The following WDPCP variants were observed in gnomAD, a reference collection of about 807,000 sequenced individuals.
WDPCP encodes WD repeat-containing and planar cell polarity effector protein fritz homolog.
A neutral mutation model predicts 93.1 loss-of-function variants in WDPCP; 71 were observed. The observed-to-expected ratio is 0.76, with a 90% CI of 0.63 to 0.93. The LOEUF is 0.93. Among genes scored for constraint, WDPCP ranks in the 40% least tolerant of loss-of-function variants. The probability of loss-of-function intolerance (pLI) is 0.00; values close to 1 mark genes in which losing one functional copy is unlikely to be tolerated. For missense variants in WDPCP, 844 were observed against 887.4 expected, an observed-to-expected ratio of 0.95 and a Z score of 0.62; for synonymous variants, 315 against 315.0, an observed-to-expected ratio of 1.00 and a Z score of 0.00.
chr2:63,372,626 T>C lies in WDPCP; in HGVS notation c.1748+5760A>G, dbSNP rs149737531. ...AGTATTGTTCAAATCTCCTATTTCC[T>C]GACACTTTGTTTGCTTAATCTATCA... On this transcript the variant is annotated intron_variant, in intron 12 of 17. Transcript: ENST00000272321. 5.1e-4 allele frequency among the ~76,000 whole-genome samples: 77 copies of C among 152,330 alleles called. No individual in the cohort carries two copies. The East Asian group carries it at 0.015, about 29-fold the overall frequency.
intron 3 of WDPCP, among the ~76,000 whole-genome samples, chr2:63,595,814 TAC>T (rs1037239612): frequency 5.9e-5 from 9 of 152,062 alleles, no homozygotes; most frequent in Non-Finnish European, 8.8e-5. Context: ...TGAAATTGTC[TAC>T]ACACACACAC....
At chr2:63,158,187 T>G (rs1346051105) in intron 15 of WDPCP, among the ~76,000 whole-genome samples, 1 of 152,212 alleles carries the variant, frequency 6.6e-6, no homozygotes, top group East Asian at 1.9e-4. Context: ...GGACATACTT[T>G]GTATATTCTT....
intron 2 of WDPCP, among the ~76,000 whole-genome samples, chr2:63,713,582 T>A (rs776674569): frequency 1.5e-4 from 23 of 152,164 alleles, no homozygotes; most frequent in Admixed American, 1.4e-3. Context: ...CATAACAGAG[T>A]AGCAGTTTCT....
chr2:63,447,115 G>T (rs1377940270), intron 6 of WDPCP, among the ~76,000 whole-genome samples: 1 of 151,396 alleles, frequency 6.6e-6, no homozygotes, highest in Non-Finnish European at 1.5e-5. Flanking sequence ...AAGGTGGGGG[G>T]AGGCATTTTT....
At chr2:63,321,356 A>T (rs566153606) in intron 12 of WDPCP, among the ~76,000 whole-genome samples, 1 of 151,048 alleles carries the variant, frequency 6.6e-6, no homozygotes, top group Admixed American at 6.6e-5. Flanking sequence ...TTTGATATGT[A>T]CTTTGTGTGT....
chr2:63,237,716 A>C (rs945853835), intron 14 of WDPCP, among the ~76,000 whole-genome samples: 2 of 152,184 alleles, frequency 1.3e-5, no homozygotes, highest in African/African-American at 4.8e-5. Flanking sequence ...TAAGTGAAAT[A>C]ATGCAGAAAC....
At chr2:63,572,089 A>C (rs1332038777) in intron 1 of WDPCP, among the ~76,000 whole-genome samples, 1 of 152,196 alleles carries the variant, frequency 6.6e-6, no homozygotes, top group Non-Finnish European at 1.5e-5. Context: ...CTCCAGAGGA[A>C]ACCAAAGGAG....
intron 2 of WDPCP, among the ~76,000 whole-genome samples, chr2:63,730,344 C>T (rs1575759922): frequency 1.3e-5 from 2 of 152,104 alleles, no homozygotes; most frequent in African/African-American, 2.4e-5. Context: ...TTTCTCCCTT[C>T]GGTTTCTGGA....
Position 63,617,286 on chromosome 2 carries a change from T to A in WDPCP, n.488+33373A>T, listed in dbSNP as rs541545886. Reference sequence around the variant, plus strand: ...TTCAAAATTATCTTGAACTTAGAGATGGGTTGAAAATAAGATTAAAATGAT... The same window carrying A: ...TTCAAAATTATCTTGAACTTAGAGAAGGGTTGAAAATAAGATTAAAATGAT... On this transcript the variant is annotated intron_variant and non_coding_transcript_variant, in intron 3 of 4. Coordinates refer to the WDPCP transcript ENST00000467687. Among the ~76,000 whole-genome samples, 43 of 152,318 alleles carry A rather than the reference T, an allele frequency of 2.8e-4. No homozygotes were observed. In the South Asian group the frequency reaches 8.9e-3, roughly 32 times the overall value.
intron 17 of WDPCP, among the ~76,000 whole-genome samples, chr2:63,148,842 T>C (rs746687822): frequency 4.1e-4 from 55 of 132,850 alleles, no homozygotes; most frequent in Non-Finnish European, 5.9e-4. Flanking sequence ...ACTAATAGGG[T>C]TAAAAGGACA....
intron 13 of WDPCP, among the ~76,000 whole-genome samples, chr2:63,277,150 TAC>T (rs538678435): frequency 6.2e-4 from 94 of 152,220 alleles, no homozygotes; most frequent in Non-Finnish European, 1.2e-3. Flanking sequence ...GAAGAAAAGA[TAC>T]AGTCTTTTCC....
intron 2 of WDPCP, among the ~76,000 whole-genome samples, chr2:63,695,228 T>C (rs1409616619): frequency 5.9e-5 from 9 of 152,230 alleles, no homozygotes; most frequent in Admixed American, 5.2e-4. Context: ...TATTTTCTCA[T>C]TTCTTTGTCT....
At chr2:63,238,374 G>C (rs143105172) in intron 14 of WDPCP, among the ~76,000 whole-genome samples, 12 of 151,964 alleles carry the variant, frequency 7.9e-5, no homozygotes, top group African/African-American at 2.9e-4. Context: ...TGTGACTGGG[G>C]AACTACATTT....
intron 3 of WDPCP, among the ~76,000 whole-genome samples, chr2:63,616,604 T>C (rs574812771): frequency 2.6e-4 from 39 of 152,232 alleles, no homozygotes; most frequent in Non-Finnish European, 5.3e-4. Context: ...GCTTTAGTAT[T>C]GCCAATAATG....
intron 2 of WDPCP, among the ~76,000 whole-genome samples, chr2:63,693,816 A>ATATTAGAGTTGAAAATAC (rs1558885946): frequency 2.0e-5 from 3 of 152,212 alleles, no homozygotes; most frequent in African/African-American, 7.2e-5. Flanking sequence ...TTGCTGTAGA[A>ATATTAGAGTTGAAAATAC]TATTAGAGTT....
At chr2:63,160,779 T>TA (rs1273991666) in intron 15 of WDPCP, among the ~76,000 whole-genome samples, 3 of 152,284 alleles carry the variant, frequency 2.0e-5, no homozygotes, top group African/African-American at 7.2e-5. Context: ...ATCAGTGATT[T>TA]AAAAAACATC....
At chr2:63,704,724 A>G (rs1669120601) in intron 2 of WDPCP, among the ~76,000 whole-genome samples, 1 of 152,184 alleles carries the variant, frequency 6.6e-6, no homozygotes, top group African/African-American at 2.4e-5. Flanking sequence ...GGATTTTTGC[A>G]TCGATGTTCA....
At chr2:63,776,302 G>C (rs1254607538) in intron 2 of WDPCP, among the ~76,000 whole-genome samples, 1 of 151,616 alleles carries the variant, frequency 6.6e-6, no homozygotes, top group African/African-American at 2.4e-5. Context: ...TCAATAATAA[G>C]AACACACACA....
intron 9 of WDPCP, among the ~76,000 whole-genome samples, chr2:63,420,691 TATAGC>T (rs1227816108): frequency 6.6e-6 from 1 of 152,240 alleles, no homozygotes; most frequent in African/African-American, 2.4e-5. Context: ...AACAATGTGT[TATAGC>T]ATTATCCTGA....
Sources: gnomAD v4.1 joint callset for allele counts (sites outside exome capture counted in the v4.1 genomes callset) on GRCh38, gnomAD v4.1.1 for gene constraint, MANE v1.5 for transcripts, NCBI Gene and HGNC (gene_info 2026-07-23, HGNC 2026-07-21) for gene names.